The following TBC1D4 variants were observed in gnomAD, a reference collection of about 807,000 sequenced individuals.
TBC1D4 encodes the protein TBC (Tre-2, BUB2, CDC16) domain-containing protein.
In TBC1D4, 121 loss-of-function variants were observed where a neutral mutation model predicts 142.5. That is an observed-to-expected ratio of 0.85 (90% confidence interval 0.73 to 0.99). The LOEUF is 0.99. Among genes scored for constraint, TBC1D4 ranks in the 50% least tolerant of loss-of-function variants. The probability of loss-of-function intolerance (pLI) is 0.00; values close to 1 mark genes in which losing one functional copy is unlikely to be tolerated. For synonymous variants in TBC1D4, 630 were observed against 628.2 expected, an observed-to-expected ratio of 1.00 and a Z score of -0.04; for missense variants, 1,475 against 1,606.6, an observed-to-expected ratio of 0.92 and a Z score of 1.40.
At chr13:75,409,706 T>A (rs146234857) in intron 1 of TBC1D4, among the ~76,000 whole-genome samples, 2 of 152,360 alleles carry the variant, frequency 1.3e-5, no homozygotes, top group East Asian at 3.9e-4. Flanking sequence ...TGAATTTATA[T>A]TCTGCTGTCA....
At position 75,341,518 on chromosome 13, in the gene TBC1D4, G is replaced by A. The variant is rs1399856736; in HGVS notation, c.1478C>T (p.Ala493Val). The A allele has an allele frequency of 6.2e-7, 1 of 1,613,934 alleles. No homozygotes were observed. The highest frequency in any genetic ancestry group is 8.5e-7 in the Non-Finnish European group (1 of 1,179,976). The stretch of plus-strand genomic sequence containing the variant: ...TACCTGAACTCTTTCAAAGATGTCA[G>A]CTTGCTCATTATCTGTCAGTGATGA... The part of the protein sequence containing the change: ...HLSSLTDNEQ[A>V]DIFERVQKMK... Residue 493 changes from alanine (A) to valine (V), a missense_variant, in exon 6 of 21, where the codon GCT (alanine) becomes GTT (valine). Ala to Val is a moderately conservative substitution (Grantham distance 64). This residue lies in a region of TBC1D4 where 1,227 missense variants were observed against 1,267.7 expected (regional missense o/e 0.97). Transcript: ENST00000377636.
intron 1 of TBC1D4, among the ~76,000 whole-genome samples, chr13:75,399,916 T>C (rs944907947): frequency 1.4e-4 from 22 of 152,108 alleles, no homozygotes; most frequent in Non-Finnish European, 2.8e-4. Context: ...TGACATGCTG[T>C]AAGGCAGGTC....
At chr13:75,332,420 C>G (rs192433142) in intron 8 of TBC1D4, among the ~76,000 whole-genome samples, 6 of 152,182 alleles carry the variant, frequency 3.9e-5, no homozygotes, top group African/African-American at 1.4e-4. Flanking sequence ...ATTCAGGTAC[C>G]CTGACACCTA....
chr13:75,377,866 C>T (rs1038932731), intron 1 of TBC1D4, among the ~76,000 whole-genome samples: 1 of 151,610 alleles, frequency 6.6e-6, no homozygotes, highest in Non-Finnish European at 1.5e-5. Flanking sequence ...TGAATCTTTG[C>T]TACAATGAAT....
At chr13:75,380,657 T>C (rs989762319) in intron 1 of TBC1D4, among the ~76,000 whole-genome samples, 6 of 152,174 alleles carry the variant, frequency 3.9e-5, no homozygotes, top group African/African-American at 1.4e-4. Context: ...ACCTACGTTA[T>C]GTGAAGAAGT....
At chr13:75,348,954 A>AGTGTGTGTGTGTGTGTGTGT (rs55954112) in intron 5 of TBC1D4, among the ~76,000 whole-genome samples, 1 of 139,084 alleles carries the variant, frequency 7.2e-6, no homozygotes, top group African/African-American at 2.8e-5. Context: ...AGAGAGAGAG[A>AGTGTGTGTGTGTGTGTGTGT]GTGTGTGTGT....
At chr13:75,426,188 C>T (rs997855351) in intron 1 of TBC1D4, among the ~76,000 whole-genome samples, 3 of 152,104 alleles carry the variant, frequency 2.0e-5, no homozygotes, top group African/African-American at 4.8e-5. Context: ...TGAAAAGATG[C>T]TTGACTTCAC....
intron 5 of TBC1D4, 59 bp downstream of exon 5, chr13:75,349,111 T>G: frequency 6.2e-7 from 1 of 1,612,748 alleles, no homozygotes; most frequent in South Asian, 1.1e-5. Context: ...ATAGGGACTT[T>G]CTCATTTCCC....
chr13:75,327,724 T>C (rs1879387953), intron 9 of TBC1D4, 28 bp downstream of exon 9: 1 of 1,611,336 alleles, frequency 6.2e-7, no homozygotes, highest in Admixed American at 1.7e-5. Flanking sequence ...TAAGTTGCAA[T>C]TAGTGTAAAC....
chr13:75,312,715 T>C (rs749912859), intron 13 of TBC1D4, 23 bp downstream of exon 13: 1 of 1,614,084 alleles, frequency 6.2e-7, no homozygotes, highest in South Asian at 1.1e-5. Context: ...AGGGATAAAT[T>C]CCTTAGGGAG....
At chr13:75,337,876 G>C (rs1190347241) in intron 7 of TBC1D4, among the ~76,000 whole-genome samples, 1 of 152,128 alleles carries the variant, frequency 6.6e-6, no homozygotes, top group African/African-American at 2.4e-5. Flanking sequence ...GAAAGTCAGG[G>C]CATGTATTTA....
intron 1 of TBC1D4, among the ~76,000 whole-genome samples, chr13:75,427,253 A>G (rs1434826843): frequency 6.6e-6 from 1 of 152,068 alleles, no homozygotes; most frequent in African/African-American, 2.4e-5. Flanking sequence ...GCGCCTGACT[A>G]ATTTTTTGTA....
chr13:75,321,637 ACT>A (rs1878790843), intron 11 of TBC1D4, among the ~76,000 whole-genome samples: 1 of 152,176 alleles, frequency 6.6e-6, no homozygotes, highest in African/African-American at 2.4e-5. Flanking sequence ...GAAGTGACTT[ACT>A]AGTTCAGATA....
intron 5 of TBC1D4, among the ~76,000 whole-genome samples, chr13:75,347,486 T>G (rs1485805191): frequency 6.6e-6 from 1 of 152,230 alleles, no homozygotes; most frequent in Non-Finnish European, 1.5e-5. Context: ...AATATGTCAG[T>G]GTCTTCTTCT....
chr13:75,448,758 A>G (rs889084723), intron 1 of TBC1D4, among the ~76,000 whole-genome samples: 1 of 152,008 alleles, frequency 6.6e-6, no homozygotes, highest in African/African-American at 2.4e-5. Flanking sequence ...AAAAGAAACA[A>G]AATATTTTAG....
chr13:75,350,441 A>C (rs746279759), intron 4 of TBC1D4, among the ~76,000 whole-genome samples: 4 of 152,206 alleles, frequency 2.6e-5, no homozygotes, highest in Non-Finnish European at 4.4e-5. Flanking sequence ...ACGTTTTGTT[A>C]TATCAGCAAC....
intron 1 of TBC1D4, among the ~76,000 whole-genome samples, chr13:75,469,291 G>T (rs1888297364): frequency 6.6e-6 from 1 of 152,158 alleles, no homozygotes. Flanking sequence ...ATATTATTCT[G>T]AATGCAAGGG....
At chr13:75,429,685 A>T (rs1423211987) in intron 1 of TBC1D4, among the ~76,000 whole-genome samples, 3 of 152,210 alleles carry the variant, frequency 2.0e-5, no homozygotes, top group Non-Finnish European at 4.4e-5. Context: ...CTTTTAAAAA[A>T]GTATTGGGGG....
At chr13:75,423,433 C>A (rs1371146677) in intron 1 of TBC1D4, among the ~76,000 whole-genome samples, 2 of 151,998 alleles carry the variant, frequency 1.3e-5, no homozygotes, top group Admixed American at 6.6e-5. Flanking sequence ...TTAGGGCCAG[C>A]ACCTTGCTAA....
Sources: gnomAD v4.1 joint callset for allele counts (sites outside exome capture counted in the v4.1 genomes callset) on GRCh38, gnomAD v4.1.1 for gene constraint, gnomAD v4.1.1 regional missense constraint, MANE v1.5 for transcripts, NCBI Gene and HGNC (gene_info 2026-07-23, HGNC 2026-07-21) for gene names.